CEACAM4: variants seen among roughly 807,000 people sequenced by gnomAD.
CEACAM4 encodes cell adhesion molecule CEACAM4.
In CEACAM4, 30 loss-of-function variants were observed where a neutral mutation model predicts 28.7. The ratio of observed to expected loss-of-function variants is 1.05; its 90% CI spans 0.78 to 1.42. CEACAM4 has a LOEUF of 1.42. CEACAM4 is among the 40% of genes most tolerant of loss of function. The pLI, the probability that CEACAM4 is intolerant of heterozygous loss-of-function variation, is 0.00. For missense variants in CEACAM4, 330 were observed against 308.2 expected (o/e 1.07, Z -0.53); for synonymous variants, 143 against 126.5 (o/e 1.13, Z -0.87).
intron 2 of CEACAM4, among the ~76,000 whole-genome samples, chr19:41,622,330 G>A (rs1464240487): frequency 2.6e-5 from 4 of 151,960 alleles, no homozygotes; most frequent in East Asian, 1.9e-4. Flanking sequence ...TGCCCGCCTC[G>A]GCCTCCCAAA....
downstream of CEACAM4, among the ~76,000 whole-genome samples, chr19:41,616,538 TAG>T (rs2070987245): frequency 8.5e-6 from 1 of 118,110 alleles, no homozygotes; most frequent in Non-Finnish European, 1.8e-5. Context: ...GATAGATAGA[TAG>T]ATAGATATTC....
rs959646507 is a variant in CEACAM4 at position 41,625,875 on chromosome 19, A to C, written c.150T>G (p.Asp50Glu). 1.9e-6 allele frequency: 3 copies of C among 1,614,044 alleles called. No homozygotes were observed. The highest frequency in any genetic ancestry group is 2.5e-6 in the Non-Finnish European group (3 of 1,179,976). Residue 50 changes from aspartate to glutamate, a missense_variant, in exon 2 of 7, where the codon GAT becomes GAG. Physicochemically the swap from Asp to Glu is conservative, Grantham distance 45. Transcript: ENST00000221954. Reference sequence around the variant, plus strand: ...AAATATTGCAGGCCAGTAGAAGAACATCCTTTCCCTCTGCAGCACTGGACG... The same window carrying C: ...AAATATTGCAGGCCAGTAGAAGAACCTCCTTTCCCTCTGCAGCACTGGACG... The part of the protein sequence containing the change: ...ALPSSAAEGK[D>E]VLLLACNISE...
intron 1 of CEACAM4, among the ~76,000 whole-genome samples, chr19:41,626,530 T>C (rs1383603663): frequency 1.3e-5 from 2 of 152,202 alleles, no homozygotes; most frequent in African/African-American, 4.8e-5. Context: ...CTGAGGTTTA[T>C]TTCCCAGTGT....
downstream of CEACAM4, among the ~76,000 whole-genome samples, chr19:41,614,625 G>A (rs1446566779): frequency 6.6e-6 from 1 of 152,110 alleles, no homozygotes; most frequent in African/African-American, 2.4e-5. Flanking sequence ...GTTGTTAATA[G>A]CCCTGTGGTA....
At chr19:41,620,890 TGAG>T (rs1163935259) in intron 3 of CEACAM4, among the ~76,000 whole-genome samples, 2 of 151,716 alleles carry the variant, frequency 1.3e-5, no homozygotes, top group East Asian at 3.9e-4. Context: ...GGAAAGGGAC[TGAG>T]GACTCAGGGA....
Position 41,621,711 on chromosome 19 carries a change from A to G in CEACAM4, c.482T>C (p.Leu161Pro). ...GAVAGIVTGV[L>P]VGVALVAALV... ...GGCGGCCACCAGAGCCACCCCAACC[A>G]GGACCCCAGTCACGATGCCAGCGAC... The change falls in exon 3 of 7, where the codon CTG (leucine) becomes CCG (proline). Residue 161 changes from leucine to proline, a missense_variant. Coordinates refer to ENST00000221954, the MANE Select transcript of CEACAM4 (RefSeq NM_001817.4). 6.2e-7 allele frequency: 1 copy of G among 1,613,494 alleles called. No individual in the cohort carries two copies. Among genetic ancestry groups the G allele is most frequent in the Non-Finnish European group, 8.5e-7 (1 of 1,179,460 alleles).
chr19:41,625,840 A>G lies in CEACAM4; in HGVS notation c.185T>C (p.Ile62Thr), dbSNP rs1555803791. ...CCCCTTGTGCCAATAATAGGCTTGA[A>G]TAGTTTCTGAAATATTGCAGGCCAG... ...LLLACNISET[I>T]QAYYWHKGKT... The change falls in exon 2 of 7, where the codon ATT (isoleucine) becomes ACT (threonine). Residue 62 changes from isoleucine (I) to threonine (T), a missense_variant. Transcript: ENST00000221954. 1 of 1,614,014 alleles carries G rather than the reference A, an allele frequency of 6.2e-7. No individual in the cohort carries two copies.
downstream of CEACAM4, among the ~76,000 whole-genome samples, chr19:41,616,407 C>G (rs1223226219): frequency 6.6e-6 from 1 of 151,986 alleles, no homozygotes; most frequent in Admixed American, 6.6e-5. Flanking sequence ...CACATCTCAT[C>G]CTGTTGCATT....
chr19:41,620,102 T>C, intron 5 of CEACAM4, 109 bp downstream of exon 5: 2 of 1,045,762 alleles, frequency 1.9e-6, no homozygotes, highest in Non-Finnish European at 2.7e-6. Flanking sequence ...ACCTGACTGT[T>C]CTGGGGAAAG....
chr19:41,615,183 A>C (rs1216300977), downstream of CEACAM4, among the ~76,000 whole-genome samples: 1 of 152,046 alleles, frequency 6.6e-6, no homozygotes, highest in Non-Finnish European at 1.5e-5. Context: ...TGTCTGTCCC[A>C]GTCACAGATA....
At chr19:41,621,236 G>T (rs1555801303) in intron 3 of CEACAM4, among the ~76,000 whole-genome samples, 1 of 152,032 alleles carries the variant, frequency 6.6e-6, no homozygotes, top group Non-Finnish European at 1.5e-5. Context: ...GCCTGTCCAG[G>T]CTTTGCCACT....
chr19:41,614,746 C>A (rs880002531), downstream of CEACAM4, among the ~76,000 whole-genome samples: 3 of 152,162 alleles, frequency 2.0e-5, no homozygotes, highest in Non-Finnish European at 1.5e-5. Flanking sequence ...CCTGCAAAAT[C>A]TGTGATTACC....
downstream of CEACAM4, among the ~76,000 whole-genome samples, chr19:41,618,006 TGGCA>T (rs2071026577): frequency 1.3e-5 from 2 of 152,176 alleles, no homozygotes; most frequent in African/African-American, 4.8e-5. Context: ...GAACAACCTG[TGGCA>T]GTGGCAGAAC....
chr19:41,623,056 G>C (rs2071405966), intron 2 of CEACAM4, among the ~76,000 whole-genome samples: 1 of 152,128 alleles, frequency 6.6e-6, no homozygotes, highest in South Asian at 2.1e-4. Context: ...TCGCTCTGTT[G>C]CCCAGGCTGG....
At position 41,620,503 on chromosome 19, in the gene CEACAM4, G is replaced by GAA; in HGVS notation, c.595+71_595+72insTT. ...AAAGAAAGGGTCAGAGGCCCCCAGG[G>GAA]GGTGACTGGCAGGAGTGGACACCGT... On this transcript the variant is annotated intron_variant, in intron 4 of 6. Transcript: ENST00000221954. The GAA allele has an allele frequency of 3.8e-6, 5 of 1,330,094 alleles. No homozygotes were observed. The Admixed American group carries it at 1.2e-4, about 31-fold the overall frequency. The allele number at this position is 1,330,094 out of a possible 1,614,324, so 82.4% of individuals were successfully genotyped here.
downstream of CEACAM4, among the ~76,000 whole-genome samples, chr19:41,616,905 A>G (rs1169365508): frequency 6.6e-6 from 1 of 152,232 alleles, no homozygotes; most frequent in Non-Finnish European, 1.5e-5. Flanking sequence ...GAGCCCCCCA[A>G]GAGACCACAT....
intron 5 of CEACAM4, 75 bp downstream of exon 5, chr19:41,620,136 G>T: frequency 7.5e-7 from 1 of 1,326,144 alleles, no homozygotes; most frequent in Non-Finnish European, 1.0e-6. Flanking sequence ...GTGCTGTGGG[G>T]TTGATGGTCC....
At chr19:41,617,235 GC>G (rs1302084368), downstream of CEACAM4, among the ~76,000 whole-genome samples, 1 of 152,146 alleles carries the variant, frequency 6.6e-6, no homozygotes, top group African/African-American at 2.4e-5. Flanking sequence ...GTTATTCTTA[GC>G]AACTAAGCAT....
chr19:41,620,287 T>C (rs376432369), intron 4 of CEACAM4, 45 bp from the exon 5 acceptor site: 22 of 1,418,968 alleles, frequency 1.6e-5, no homozygotes, highest in Non-Finnish European at 2.0e-5. Context: ...GAGGAGAGCC[T>C]GGGCCCCTCC....
Sources: gnomAD v4.1 joint callset for allele counts (sites outside exome capture counted in the v4.1 genomes callset) on GRCh38, gnomAD v4.1.1 for gene constraint, MANE v1.5 for transcripts, NCBI Gene and HGNC (gene_info 2026-07-23, HGNC 2026-07-21) for gene names.